OPHN1: variants seen among roughly 807,000 people sequenced by gnomAD.
OPHN1 encodes oligophrenin 1.
OPHN1 carries 11 observed loss-of-function variants against 60.7 expected under a neutral mutation model. The observed-to-expected ratio is 0.18, with a 90% CI of 0.11 to 0.30. The LOEUF (loss-of-function observed/expected upper bound fraction) is 0.30, where lower values mean the gene tolerates loss of function less well. Among genes scored for constraint, OPHN1 ranks in the 10% least tolerant of loss-of-function variants. The pLI, the probability that OPHN1 is intolerant of heterozygous loss-of-function variation, is 1.00. For synonymous variants in OPHN1, 226 were observed against 222.6 expected, an observed-to-expected ratio of 1.02 and a Z score of -0.14; for missense variants, 449 against 611.0, an observed-to-expected ratio of 0.73 and a Z score of 2.80.
At chrX:68,396,415 A>AC in intron 2 of OPHN1, among the ~76,000 whole-genome samples, 1 of 106,766 alleles carries the variant, frequency 9.4e-6, no homozygotes, top group African/African-American at 3.4e-5. Context: ...AAAAAAAAAA[A>AC]AAAAAAAAAC....
At chrX:68,405,360 T>A (rs942232852) in intron 2 of OPHN1, among the ~76,000 whole-genome samples, 3 of 111,489 alleles carry the variant, frequency 2.7e-5, no homozygotes, top group Admixed American at 9.6e-5. Flanking sequence ...TGGCTAATTT[T>A]AAAAAAATTT....
chrX:68,076,867 A>G (rs751354055), intron 19 of OPHN1, among the ~76,000 whole-genome samples: 40 of 111,949 alleles, frequency 3.6e-4, no homozygotes, highest in Admixed American at 6.6e-4. Flanking sequence ...AATTAATCTC[A>G]GAATAACTAT....
At chrX:68,419,380 C>T (rs890898317) in intron 2 of OPHN1, among the ~76,000 whole-genome samples, 3 of 109,688 alleles carry the variant, frequency 2.7e-5, no homozygotes, top group South Asian at 4.0e-4. Flanking sequence ...CCCGCACTTC[C>T]CCATTTAGTA....
At chrX:68,169,941 T>G (rs1398024049) in intron 15 of OPHN1, among the ~76,000 whole-genome samples, 90 of 107,956 alleles carry the variant, frequency 8.3e-4, no homozygotes, top group Admixed American at 3.8e-3. Context: ...GGGATCTAAT[T>G]AAACTAAAGA....
At chrX:68,349,232 C>G (rs765486149) in intron 2 of OPHN1, among the ~76,000 whole-genome samples, 1 of 110,991 alleles carries the variant, frequency 9.0e-6, no homozygotes, top group African/African-American at 3.3e-5. Flanking sequence ...ACAACCCCAT[C>G]AAAAAATGGG....
chrX:68,047,951 G>A (rs772639812), intron 24 of OPHN1, among the ~76,000 whole-genome samples: 161 of 112,007 alleles, frequency 1.4e-3, no homozygotes, highest in Middle Eastern at 4.6e-3. Flanking sequence ...CTGCAGGAAT[G>A]AATCCATCTA....
At chrX:68,266,757 A>G (rs1216527416) in intron 5 of OPHN1, among the ~76,000 whole-genome samples, 1 of 111,441 alleles carries the variant, frequency 9.0e-6, no homozygotes, top group Non-Finnish European at 1.9e-5. Flanking sequence ...GTCAAGACCC[A>G]TCAGTGTGCT....
intron 2 of OPHN1, among the ~76,000 whole-genome samples, chrX:68,353,107 G>A (rs1268518941): frequency 1.8e-5 from 2 of 109,347 alleles, no homozygotes; most frequent in Non-Finnish European, 3.8e-5. Context: ...AGCCATGAAC[G>A]CACGTACCCC....
intron 2 of OPHN1, among the ~76,000 whole-genome samples, chrX:68,317,543 GA>G (rs2078212509): frequency 1.2e-4 from 5 of 40,242 alleles, no homozygotes; most frequent in African/African-American, 5.4e-4. Context: ...AAGAAAAAAA[GA>G]AAGAAAGAAA....
chrX:68,364,742 C>T (rs1285713981), intron 2 of OPHN1, among the ~76,000 whole-genome samples: 1 of 112,250 alleles, frequency 8.9e-6, no homozygotes, highest in Non-Finnish European at 1.9e-5. Flanking sequence ...TCATCAATCA[C>T]ACTAGGCAAA....
At chrX:68,254,355 T>C (rs181875526) in intron 5 of OPHN1, among the ~76,000 whole-genome samples, 37 of 111,522 alleles carry the variant, frequency 3.3e-4, no homozygotes, top group African/African-American at 1.2e-3. Context: ...TAAAGTACTA[T>C]AGATAGATAA....
At chrX:68,054,791 G>T (rs1014701710) in intron 21 of OPHN1, among the ~76,000 whole-genome samples, 1 of 111,089 alleles carries the variant, frequency 9.0e-6, no homozygotes, top group Non-Finnish European at 1.9e-5. Flanking sequence ...AAAGTCCACA[G>T]AAAGTGCTCA....
chrX:68,086,031 T>C (rs1248590023), intron 19 of OPHN1, among the ~76,000 whole-genome samples: 3 of 109,191 alleles, frequency 2.7e-5, no homozygotes, highest in Non-Finnish European at 5.7e-5. Context: ...ATACAAAAAT[T>C]AGCCGGGAGT....
intron 2 of OPHN1, among the ~76,000 whole-genome samples, chrX:68,306,803 G>C (rs1342707782): frequency 9.0e-6 from 1 of 111,472 alleles, no homozygotes; most frequent in East Asian, 2.8e-4. Flanking sequence ...GCTCACTGCA[G>C]CCTTGACCTC....
intron 2 of OPHN1, among the ~76,000 whole-genome samples, chrX:68,378,991 G>A (rs1181808507): frequency 1.8e-5 from 2 of 110,716 alleles, no homozygotes; most frequent in Non-Finnish European, 1.9e-5. Flanking sequence ...TAGCTTGATG[G>A]AGATGGCATT....
chrX:68,112,691 T>C (rs1162936407), intron 17 of OPHN1, among the ~76,000 whole-genome samples: 3 of 112,339 alleles, frequency 2.7e-5, no homozygotes, highest in Non-Finnish European at 5.6e-5. Flanking sequence ...TCTCTATGCC[T>C]TATTTCCTAT....
At chrX:68,100,230 T>C (rs774938797) in intron 18 of OPHN1, among the ~76,000 whole-genome samples, 1 of 110,850 alleles carries the variant, frequency 9.0e-6, no homozygotes, top group East Asian at 2.8e-4. Flanking sequence ...CTATTAAGTA[T>C]GCTTGCCTTT....
At chrX:68,128,423 A>C (rs1267319133) in intron 15 of OPHN1, among the ~76,000 whole-genome samples, 1 of 111,469 alleles carries the variant, frequency 9.0e-6, no homozygotes, top group Non-Finnish European at 1.9e-5. Flanking sequence ...TGAAGATATA[A>C]AAATCATAAG....
intron 15 of OPHN1, among the ~76,000 whole-genome samples, chrX:68,121,688 G>A (rs1292885870): frequency 1.8e-5 from 2 of 109,319 alleles, no homozygotes; most frequent in Non-Finnish European, 3.8e-5. Context: ...GCAACCTACT[G>A]AGACACCAGC....
Sources: gnomAD v4.1 joint callset for allele counts (sites outside exome capture counted in the v4.1 genomes callset) on GRCh38, gnomAD v4.1.1 for gene constraint, MANE v1.5 for transcripts, NCBI Gene and HGNC (gene_info 2026-07-23, HGNC 2026-07-21) for gene names.